MYO5B: variants seen among roughly 807,000 people sequenced by gnomAD.
MYO5B encodes the protein myosin VB.
Under a neutral mutation model 229.3 loss-of-function variants are expected in MYO5B, and 143 were observed. That is an observed-to-expected ratio of 0.62 (90% confidence interval 0.54 to 0.72). The LOEUF is 0.72. Ranked by LOEUF, MYO5B falls within the 30% of genes least tolerant of loss-of-function variation. The pLI, the probability that MYO5B is intolerant of heterozygous loss-of-function variation, is 0.00. For missense variants in MYO5B, 2,321 were observed against 2,331.0 expected, an observed-to-expected ratio of 1.00 and a Z score of 0.09; for synonymous variants, 918 against 885.2, an observed-to-expected ratio of 1.04 and a Z score of -0.66.
chr18:49,963,171 A>T (rs1487561820), intron 10 of MYO5B, 141 bp from the exon 11 acceptor site: 1 of 739,920 alleles, frequency 1.4e-6, no homozygotes, highest in Non-Finnish European at 2.5e-6. Context: ...CAGAGAGACC[A>T]CTGTTGCAGA....
chr18:49,979,646 G>A (rs747165303), intron 9 of MYO5B, among the ~76,000 whole-genome samples: 7 of 152,164 alleles, frequency 4.6e-5, no homozygotes, highest in Non-Finnish European at 8.8e-5. Flanking sequence ...TCCAGTGTCT[G>A]GTTATTTAAA....
chr18:50,167,700 C>A (rs2032872471), intron 1 of MYO5B, among the ~76,000 whole-genome samples: 1 of 152,186 alleles, frequency 6.6e-6, no homozygotes, highest in South Asian at 2.1e-4. Flanking sequence ...GCCCTCTCCC[C>A]CTGCTTCCAT....
At chr18:50,135,957 C>CAG (rs1345766372) in intron 1 of MYO5B, among the ~76,000 whole-genome samples, 7 of 152,212 alleles carry the variant, frequency 4.6e-5, no homozygotes, top group Non-Finnish European at 1.0e-4. Context: ...ACTCGTGAGA[C>CAG]AGAGAGTGTT....
At chr18:49,938,697 A>G (rs1255321035) in intron 14 of MYO5B, among the ~76,000 whole-genome samples, 1 of 152,096 alleles carries the variant, frequency 6.6e-6, no homozygotes, top group Non-Finnish European at 1.5e-5. Context: ...CTCTCAGACA[A>G]TACCTTGCAA....
chr18:50,076,320 A>G (rs2031076941), intron 1 of MYO5B, among the ~76,000 whole-genome samples: 1 of 152,124 alleles, frequency 6.6e-6, no homozygotes. Context: ...GCAGTGGACG[A>G]TCATACCATG....
chr18:49,874,239 AC>A (rs1309484330), intron 26 of MYO5B, among the ~76,000 whole-genome samples: 1 of 152,194 alleles, frequency 6.6e-6, no homozygotes, highest in Non-Finnish European at 1.5e-5. Flanking sequence ...GGAAAAAGAT[AC>A]CCTTTTTTAT....
chr18:50,106,764 C>T (rs895197876), intron 1 of MYO5B, among the ~76,000 whole-genome samples: 1 of 152,238 alleles, frequency 6.6e-6, no homozygotes, highest in Non-Finnish European at 1.5e-5. Context: ...GTGTCCCTGA[C>T]AGACCCAGTC....
At chr18:50,112,736 T>TATA (rs1384755886) in intron 1 of MYO5B, among the ~76,000 whole-genome samples, 1 of 152,206 alleles carries the variant, frequency 6.6e-6, no homozygotes, top group Non-Finnish European at 1.5e-5. Context: ...ACTGATGAAT[T>TATA]ATAATAAATA....
intron 33 of MYO5B, among the ~76,000 whole-genome samples, chr18:49,844,084 C>A (rs2024096453): frequency 2.0e-5 from 3 of 152,190 alleles, no homozygotes; most frequent in Non-Finnish European, 4.4e-5. Context: ...CCTGTCCCTG[C>A]CTGGGCAAGG....
intron 14 of MYO5B, among the ~76,000 whole-genome samples, chr18:49,946,860 T>C (rs2025379354): frequency 6.6e-6 from 1 of 152,230 alleles, no homozygotes; most frequent in African/African-American, 2.4e-5. Flanking sequence ...TATTCAAAAT[T>C]TGTTTTATAA....
intron 4 of MYO5B, among the ~76,000 whole-genome samples, chr18:50,022,451 A>G (rs1376589457): frequency 1.3e-5 from 2 of 152,312 alleles, no homozygotes; most frequent in Admixed American, 1.3e-4. Flanking sequence ...TTTTATTATG[A>G]CATTCTCCTT....
chr18:49,856,994 GA>G (rs2024270870), intron 29 of MYO5B, 104 bp from the exon 30 acceptor site: 6 of 962,164 alleles, frequency 6.2e-6, no homozygotes, highest in Admixed American at 2.0e-5. Context: ...GTTTGGAAAC[GA>G]AAAAAAGGCA....
chr18:49,943,856 G>A (rs1463810813), intron 14 of MYO5B, among the ~76,000 whole-genome samples: 1 of 152,172 alleles, frequency 6.6e-6, no homozygotes. Flanking sequence ...TAAATCGGGG[G>A]TCTGGGATGT....
At chr18:49,837,467 T>G in intron 37 of MYO5B, 50 bp downstream of exon 37, 1 of 1,605,056 alleles carries the variant, frequency 6.2e-7, no homozygotes, top group Admixed American at 1.7e-5. Context: ...CTAGCTGCAG[T>G]CAGTGAGGGC....
At chr18:49,909,591 A>G (rs2024936419) in intron 18 of MYO5B, among the ~76,000 whole-genome samples, 1 of 152,250 alleles carries the variant, frequency 6.6e-6, no homozygotes, top group South Asian at 2.1e-4. Context: ...GAATTGTGCT[A>G]GGAACACAGC....
At position 49,879,056 on chromosome 18, in the gene MYO5B, G is replaced by GAGA. The variant is rs754272038; in HGVS notation, c.3162_3164dup (p.Leu1055dup). 1 of 1,531,796 alleles carries GAGA rather than the reference G, an allele frequency of 6.5e-7. No individual in the cohort carries two copies. The highest frequency in any genetic ancestry group is 2.0e-5 in the African/African-American group (1 of 50,248). The allele number at this position is 1,531,796 out of a possible 1,614,324, so 94.9% of individuals were successfully genotyped here. Reference sequence around the variant, plus strand: ...GCTCCTCCTCCAGTTCTTTCTTCATGAGATTTTCCTTCACAGAGTTCTGGG... The same window carrying GAGA: ...GCTCCTCCTCCAGTTCTTTCTTCATGAGAAGATTTTCCTTCACAGAGTTCTGGG... On this transcript the variant is annotated inframe_insertion, in exon 24 of 40. Coordinates refer to ENST00000285039, the MANE Select transcript of MYO5B (RefSeq NM_001080467.3).
chr18:50,103,389 T>C (rs1237958963), intron 1 of MYO5B, among the ~76,000 whole-genome samples: 3 of 152,194 alleles, frequency 2.0e-5, no homozygotes, highest in Admixed American at 6.5e-5. Flanking sequence ...ATCTTGTGCT[T>C]GTTCAAAATC....
intron 1 of MYO5B, among the ~76,000 whole-genome samples, chr18:50,145,939 T>C (rs779702510): frequency 6.6e-6 from 1 of 152,254 alleles, no homozygotes; most frequent in Non-Finnish European, 1.5e-5. Flanking sequence ...AGAAACCATT[T>C]ACCAAAAACG....
chr18:49,857,883 G>T (rs2024281512), intron 29 of MYO5B, among the ~76,000 whole-genome samples: 1 of 152,166 alleles, frequency 6.6e-6, no homozygotes, highest in Non-Finnish European at 1.5e-5. Context: ...CCCCCAGCAG[G>T]ACTCTGCCGC....
Sources: allele counts gnomAD v4.1 joint callset (sites outside exome capture counted in the v4.1 genomes callset), GRCh38; gene constraint gnomAD v4.1.1; transcripts MANE v1.5; gene names NCBI Gene and HGNC (gene_info 2026-07-23, HGNC 2026-07-21).